Variants in STARD13 observed in about 807,000 individuals in gnomAD.
The protein encoded by STARD13 is StAR related lipid transfer domain containing 13.
A neutral mutation model predicts 106.4 loss-of-function variants in STARD13; 62 were observed. The observed-to-expected ratio is 0.58, with a 90% CI of 0.48 to 0.72. STARD13 has a LOEUF of 0.72. Ranked by LOEUF, STARD13 falls within the 30% of genes least tolerant of loss-of-function variation. The probability of loss-of-function intolerance (pLI) is 0.00; values close to 1 mark genes in which losing one functional copy is unlikely to be tolerated. For missense variants in STARD13, 1,387 were observed against 1,424.0 expected (o/e 0.97, Z 0.42); for synonymous variants, 565 against 553.0 (o/e 1.02, Z -0.31).
At chr13:33,618,990 T>A in the STARD13 span, among the ~76,000 whole-genome samples, 2 of 151,388 alleles carry the variant, frequency 1.3e-5, no homozygotes, top group Non-Finnish European at 1.5e-5. Context: ...GAGGAAAAAA[T>A]TCCATGAGTC....
chr13:33,129,510 G>A lies in STARD13; in HGVS notation c.1167C>T (p.Ser389=), dbSNP rs889358926. The A allele has an allele frequency of 6.2e-7, 1 of 1,614,040 alleles. No homozygotes were observed. The highest frequency in any genetic ancestry group is 1.3e-5 in the African/African-American group (1 of 74,916). Residue 389 remains serine, a synonymous_variant, in exon 5 of 14, where the codon TCC becomes TCT. Transcript: ENST00000336934. Reference sequence around the variant, plus strand: ...GAATATGCACCACCAAATTCTCTTGGGAGTGAAATTCATGCATACGGCTTT... The same window carrying A: ...GAATATGCACCACCAAATTCTCTTGAGAGTGAAATTCATGCATACGGCTTT... ...GDQSRMHEFH[S]QENLVVHIPK... is the part of the protein sequence containing the mutation.
At chr13:33,428,898 G>A in the STARD13 span, among the ~76,000 whole-genome samples, 2 of 152,196 alleles carry the variant, frequency 1.3e-5, no homozygotes, top group Non-Finnish European at 2.9e-5. Flanking sequence ...GAGACATGCA[G>A]ATGGCAAGCA....
At chr13:33,608,674 C>T in the STARD13 span, among the ~76,000 whole-genome samples, 3 of 152,074 alleles carry the variant, frequency 2.0e-5, no homozygotes, top group African/African-American at 4.8e-5. Flanking sequence ...AAAGTTAAAT[C>T]CCTATTTCAT....
At chr13:33,591,999 GTAAT>G in the STARD13 span, among the ~76,000 whole-genome samples, 6 of 152,260 alleles carry the variant, frequency 3.9e-5, no homozygotes, top group East Asian at 1.2e-3. Context: ...ACTAATGCTA[GTAAT>G]TAAAGATCTG....
chr13:33,152,728 C>A (rs1425916186), intron 3 of STARD13, among the ~76,000 whole-genome samples: 1 of 152,200 alleles, frequency 6.6e-6, no homozygotes, highest in Non-Finnish European at 1.5e-5. Flanking sequence ...CCTCCCAGCT[C>A]TTTTTGGGAA....
At chr13:33,506,875 G>A in the STARD13 span, among the ~76,000 whole-genome samples, 1 of 152,128 alleles carries the variant, frequency 6.6e-6, no homozygotes, top group Non-Finnish European at 1.5e-5. Context: ...AGTTTGAGAG[G>A]CCAAGATGGG....
At chr13:33,555,255 G>C in the STARD13 span, among the ~76,000 whole-genome samples, 1 of 152,138 alleles carries the variant, frequency 6.6e-6, no homozygotes, top group Non-Finnish European at 1.5e-5. Flanking sequence ...TCTTAGCCTA[G>C]CATCAAATCA....
At chr13:33,572,183 G>A in the STARD13 span, among the ~76,000 whole-genome samples, 15 of 152,166 alleles carry the variant, frequency 9.9e-5, no homozygotes, top group East Asian at 2.3e-3. Flanking sequence ...CTTATAATGC[G>A]TTAAATCAAG....
At chr13:33,350,695 C>G (rs969581628), upstream of STARD13, 2 of 1,131,630 alleles carry the variant, frequency 1.8e-6, no homozygotes, top group Non-Finnish European at 2.2e-6. Context: ...TCCTCCCCTC[C>G]GTTGGGCGCT....
At chr13:33,345,715 A>G (rs1354852011), downstream of STARD13, among the ~76,000 whole-genome samples, 2 of 152,156 alleles carry the variant, frequency 1.3e-5, no homozygotes, top group African/African-American at 2.4e-5. Context: ...TTCTTTAACA[A>G]TAACTCCTTT....
rs1312313987 is a variant in STARD13, at chr13:33,163,601, A to T, written c.323+1736T>A. Among the ~76,000 whole-genome samples the T allele has an allele frequency of 3.3e-3, 433 of 130,626 alleles. 10 individuals are homozygous for T. Among genetic ancestry groups the T allele is most frequent in the African/African-American group, 0.013 (419 of 31,950 alleles). 85.7% of individuals were successfully genotyped at this position (130,626 alleles called of 152,430 possible). On this transcript the variant is annotated intron_variant, in intron 3 of 13. Coordinates refer to ENST00000336934, the MANE Select transcript of STARD13 (RefSeq NM_178006.4). ...CAAGACTCTGTCTCAAAAAAAAAAAAAAAAATATATATATATATATATAAA... is the reference window on the plus strand; with the variant it reads ...CAAGACTCTGTCTCAAAAAAAAAAATAAAAATATATATATATATATATAAA...
chr13:33,413,760 G>A, the STARD13 span, among the ~76,000 whole-genome samples: 3 of 152,076 alleles, frequency 2.0e-5, no homozygotes, highest in African/African-American at 4.8e-5. Flanking sequence ...GGCCAGGTGC[G>A]GTGGCTCATG....
At chr13:33,288,019 T>C (rs1167814795), upstream of STARD13, among the ~76,000 whole-genome samples, 3 of 152,076 alleles carry the variant, frequency 2.0e-5, no homozygotes, top group Non-Finnish European at 4.4e-5. Flanking sequence ...CATTGCTGAC[T>C]TGGCTGCATT....
chr13:33,556,169 A>C, the STARD13 span, among the ~76,000 whole-genome samples: 1 of 152,238 alleles, frequency 6.6e-6, no homozygotes, highest in African/African-American at 2.4e-5. Context: ...AAATAAAATC[A>C]AGATGATGTT....
intron 1 of STARD13, among the ~76,000 whole-genome samples, chr13:33,242,922 G>A (rs1029920201): frequency 6.6e-6 from 1 of 152,130 alleles, no homozygotes; most frequent in Non-Finnish European, 1.5e-5. Flanking sequence ...ATTCCTCTAA[G>A]TTAGCAGGTA....
intron 1 of STARD13, among the ~76,000 whole-genome samples, chr13:33,231,561 G>T (rs546430134): frequency 1.3e-5 from 2 of 152,106 alleles, no homozygotes; most frequent in Non-Finnish European, 2.9e-5. Context: ...TGGGCCATGC[G>T]CATCATCTTG....
At chr13:33,215,128 G>GGT (rs1555249061) in intron 1 of STARD13, among the ~76,000 whole-genome samples, 2 of 116,882 alleles carry the variant, frequency 1.7e-5, no homozygotes, top group African/African-American at 7.2e-5. Flanking sequence ...TTGGGGGGGG[G>GGT]GGTGGGGGGA....
At chr13:33,409,012 C>G in the STARD13 span, among the ~76,000 whole-genome samples, 4 of 151,608 alleles carry the variant, frequency 2.6e-5, no homozygotes, top group Non-Finnish European at 4.4e-5. Flanking sequence ...CTCTCTGCCT[C>G]TCTTTTGCTT....
chr13:33,585,750 T>TA, the STARD13 span, among the ~76,000 whole-genome samples: 1 of 152,186 alleles, frequency 6.6e-6, no homozygotes, highest in Admixed American at 6.5e-5. Flanking sequence ...TATTTAGCCT[T>TA]AAAAAGGAGA....
Sources: allele counts gnomAD v4.1 joint callset (sites outside exome capture counted in the v4.1 genomes callset), GRCh38; gene constraint gnomAD v4.1.1; transcripts MANE v1.5; gene names NCBI Gene and HGNC (gene_info 2026-07-23, HGNC 2026-07-21).